Variants in RASEF observed in about 807,000 individuals in gnomAD.
RASEF encodes the protein RAS and EF-hand domain containing.
RASEF carries 68 observed loss-of-function variants against 90.1 expected under a neutral mutation model. The observed-to-expected ratio is 0.75, with a 90% CI of 0.62 to 0.92. The LOEUF is 0.92. RASEF is among the 40% of genes least tolerant of loss of function. The pLI, the probability that RASEF is intolerant of heterozygous loss-of-function variation, is 0.00. For synonymous variants in RASEF, 331 were observed against 345.2 expected, an observed-to-expected ratio of 0.96 and a Z score of 0.46; for missense variants, 949 against 937.2, an observed-to-expected ratio of 1.01 and a Z score of -0.16.
At chr9:83,146,495 A>T in the RASEF span, among the ~76,000 whole-genome samples, 5 of 152,206 alleles carry the variant, frequency 3.3e-5, no homozygotes, top group African/African-American at 1.2e-4. Flanking sequence ...AGCAAGAAAG[A>T]ATCCAATATT....
the RASEF span, among the ~76,000 whole-genome samples, chr9:83,190,657 C>T: frequency 6.6e-5 from 10 of 152,220 alleles, no homozygotes; most frequent in Non-Finnish European, 1.2e-4. Context: ...AGAGCAGGAA[C>T]ACCTGGAAAA....
At chr9:83,121,963 A>G in the RASEF span, among the ~76,000 whole-genome samples, 1 of 152,258 alleles carries the variant, frequency 6.6e-6, no homozygotes, top group African/African-American at 2.4e-5. Flanking sequence ...TAATAAGAAT[A>G]CACACTTACA....
the RASEF span, among the ~76,000 whole-genome samples, chr9:83,144,382 A>AGGAAGGAAG: frequency 1.0e-3 from 57 of 57,196 alleles, no homozygotes; most frequent in South Asian, 4.3e-3. Context: ...AAAGAAAGAA[A>AGGAAGGAAG]GAAAGAAAGG....
At chr9:83,032,419 T>C (rs1037579411) in intron 1 of RASEF, among the ~76,000 whole-genome samples, 1 of 152,226 alleles carries the variant, frequency 6.6e-6, no homozygotes, top group Non-Finnish European at 1.5e-5. Context: ...CAGGTGTACT[T>C]GGCAAACACT....
the RASEF span, among the ~76,000 whole-genome samples, chr9:83,115,043 C>T: frequency 6.6e-6 from 1 of 152,078 alleles, no homozygotes; most frequent in Non-Finnish European, 1.5e-5. Flanking sequence ...GTGATGTCTC[C>T]CCCAGACACC....
At chr9:83,101,683 C>T in the RASEF span, among the ~76,000 whole-genome samples, 1 of 152,180 alleles carries the variant, frequency 6.6e-6, no homozygotes, top group African/African-American at 2.4e-5. Flanking sequence ...CTGTAGTTAA[C>T]CTTCCATAAC....
Position 83,007,431 on chromosome 9 carries a change from A to T in RASEF, c.1028+6T>A. 1 of 1,599,370 alleles carries T rather than the reference A, an allele frequency of 6.3e-7. No homozygotes were observed. The highest frequency in any genetic ancestry group is 8.6e-7 in the Non-Finnish European group (1 of 1,166,562). On this transcript the variant is annotated splice_donor_region_variant and intron_variant, in intron 7 of 16. Coordinates refer to ENST00000376447, the MANE Select transcript of RASEF (RefSeq NM_152573.4). ...AATGTAATGAGCATTTGATCTGCGG[A>T]CTTACTGGAGTATTTCAATTTGCCT...
chr9:83,159,613 C>T, the RASEF span, among the ~76,000 whole-genome samples: 1 of 152,122 alleles, frequency 6.6e-6, no homozygotes, highest in African/African-American at 2.4e-5. Context: ...GAGCTCCTAT[C>T]TTTTAATTGC....
the RASEF span, among the ~76,000 whole-genome samples, chr9:83,193,736 G>A: frequency 6.6e-6 from 1 of 152,176 alleles, no homozygotes; most frequent in Non-Finnish European, 1.5e-5. Flanking sequence ...GACAGAGAAT[G>A]TAAATCAGGC....
chr9:83,083,499 G>A, the RASEF span, among the ~76,000 whole-genome samples: 1 of 152,004 alleles, frequency 6.6e-6, no homozygotes, highest in Non-Finnish European at 1.5e-5. Flanking sequence ...CAAAAACCAA[G>A]CATCACTATC....
At chr9:83,198,510 C>T in the RASEF span, among the ~76,000 whole-genome samples, 1 of 152,140 alleles carries the variant, frequency 6.6e-6, no homozygotes, top group Admixed American at 6.5e-5. Context: ...CAGGGAGCGG[C>T]CCCATTTTGT....
the RASEF span, among the ~76,000 whole-genome samples, chr9:83,074,686 T>C: frequency 6.6e-6 from 1 of 152,198 alleles, no homozygotes; most frequent in Non-Finnish European, 1.5e-5. Flanking sequence ...AATGGCTGAG[T>C]AGCTGTGACA....
In RASEF at chr9:82,981,926, T is replaced by A. The variant is rs1393073844; in HGVS notation, c.*751A>T. 6.6e-6 allele frequency: 1 copy of A among 152,234 alleles called. No individual in the cohort carries two copies. Among genetic ancestry groups the A allele is most frequent in the Non-Finnish European group, 1.5e-5 (1 of 68,038 alleles). 9.4% of individuals were successfully genotyped at this position (152,234 alleles called of 1,614,324 possible). ...TTGTAACTATTCTGAGATTATGAAA[T>A]ATCCTTTTATATACAACTATTTTTG... On this transcript the variant is annotated 3_prime_UTR_variant, in exon 17 of 17. Coordinates refer to ENST00000376447, the MANE Select transcript of RASEF (RefSeq NM_152573.4).
At chr9:83,047,158 T>C (rs943650340) in intron 1 of RASEF, among the ~76,000 whole-genome samples, 1 of 152,114 alleles carries the variant, frequency 6.6e-6, no homozygotes, top group Admixed American at 6.6e-5. Context: ...AACATGCCAT[T>C]ACCTTGGGTG....
chr9:83,003,770 C>T (rs1051214403), intron 9 of RASEF, among the ~76,000 whole-genome samples: 3 of 152,234 alleles, frequency 2.0e-5, no homozygotes, highest in Middle Eastern at 3.4e-3. Flanking sequence ...AGGGGATGAA[C>T]GTGAATCTGA....
chr9:83,052,164 C>T (rs1346190226), intron 1 of RASEF, among the ~76,000 whole-genome samples: 2 of 125,318 alleles, frequency 1.6e-5, no homozygotes, highest in South Asian at 2.9e-4. Context: ...GCTGTGAATC[C>T]ATCTGGTCCT....
chr9:83,162,622 G>A, the RASEF span, among the ~76,000 whole-genome samples: 1 of 152,198 alleles, frequency 6.6e-6, no homozygotes, highest in African/African-American at 2.4e-5. Context: ...AAAGCTGAAA[G>A]ACTGAAAAAC....
the RASEF span, among the ~76,000 whole-genome samples, chr9:83,070,988 C>G: frequency 2.3e-3 from 352 of 152,270 alleles, 1 homozygote; most frequent in Admixed American, 3.7e-3. Context: ...CCTTGCTAAA[C>G]TCACTTTTTA....
At chr9:83,080,719 A>T in the RASEF span, among the ~76,000 whole-genome samples, 49 of 152,310 alleles carry the variant, frequency 3.2e-4, no homozygotes, top group East Asian at 8.9e-3. Flanking sequence ...GAAAAATTTC[A>T]TGGTACTATC....
Sources: gnomAD v4.1 joint callset for allele counts (sites outside exome capture counted in the v4.1 genomes callset) on GRCh38, gnomAD v4.1.1 for gene constraint, MANE v1.5 for transcripts, NCBI Gene and HGNC (gene_info 2026-07-23, HGNC 2026-07-21) for gene names.